The following XNDC1N variants were observed in gnomAD, a reference collection of about 807,000 sequenced individuals.
XNDC1N encodes protein XNDC1N.
At chr11:71,878,834 A>G in the XNDC1N span, among the ~76,000 whole-genome samples, 2 of 151,930 alleles carry the variant, frequency 1.3e-5, no homozygotes, top group Non-Finnish European at 2.9e-5. Flanking sequence ...CTACAAAAAA[A>G]AAAAAAATAC....
At chr11:71,918,370 C>T in the XNDC1N span, among the ~76,000 whole-genome samples, 4 of 152,128 alleles carry the variant, frequency 2.6e-5, no homozygotes, top group African/African-American at 2.4e-5. Flanking sequence ...CAGCCTTGAC[C>T]TCCTGGGCTC....
chr11:71,889,398 G>A, the XNDC1N span, among the ~76,000 whole-genome samples: 1 of 152,246 alleles, frequency 6.6e-6, no homozygotes, highest in Non-Finnish European at 1.5e-5. Context: ...GGCTCGAAAA[G>A]CAGCATCTTC....
chr11:71,909,247 G>C, the XNDC1N span, among the ~76,000 whole-genome samples: 4 of 151,794 alleles, frequency 2.6e-5, no homozygotes, highest in South Asian at 2.1e-4. Flanking sequence ...GCAGTAAGCC[G>C]TAAGGAAAAC....
the XNDC1N span, among the ~76,000 whole-genome samples, chr11:71,886,016 G>T: frequency 6.6e-6 from 1 of 151,996 alleles, no homozygotes; most frequent in Admixed American, 6.6e-5. Flanking sequence ...ATTGCGGTAA[G>T]TCGCATTGCG....
At chr11:71,921,403 CAA>C in the XNDC1N span, among the ~76,000 whole-genome samples, 4 of 152,214 alleles carry the variant, frequency 2.6e-5, no homozygotes, top group South Asian at 8.3e-4. Flanking sequence ...CTCAGCCTCC[CAA>C]AGTGTTGGGA....
chr11:71,903,119 T>G, the XNDC1N span: 1 of 631,676 alleles, frequency 1.6e-6, no homozygotes, highest in East Asian at 3.0e-5. Context: ...GACACAATGC[T>G]GGGTATTGGT....
the XNDC1N span, chr11:71,915,990 T>A: frequency 1.5e-6 from 1 of 659,780 alleles, no homozygotes; most frequent in Non-Finnish European, 2.8e-6. Flanking sequence ...TGTGTGTCTA[T>A]GTCTCAAACA....
the XNDC1N span, among the ~76,000 whole-genome samples, chr11:71,885,886 T>G: frequency 6.6e-6 from 1 of 151,630 alleles, no homozygotes; most frequent in Non-Finnish European, 1.5e-5. Context: ...AATCATGTAT[T>G]GTTACCATTA....
At chr11:71,925,724 C>CA in the XNDC1N span, among the ~76,000 whole-genome samples, 727 of 149,064 alleles carry the variant, frequency 4.9e-3, 10 homozygotes, top group African/African-American at 0.017. Context: ...GTCAGGAGTA[C>CA]AAAAAATTAG....
the XNDC1N span, among the ~76,000 whole-genome samples, chr11:71,892,566 C>T: frequency 6.6e-6 from 1 of 152,116 alleles, no homozygotes; most frequent in South Asian, 2.1e-4. Flanking sequence ...GCAGTATCTC[C>T]CTAGGATATC....
the XNDC1N span, among the ~76,000 whole-genome samples, chr11:71,870,657 A>G: frequency 2.0e-5 from 3 of 152,346 alleles, no homozygotes; most frequent in African/African-American, 7.2e-5. Flanking sequence ...AATAGACAAA[A>G]TTTATAAGGA....
the XNDC1N span, among the ~76,000 whole-genome samples, chr11:71,906,818 T>C: frequency 5.3e-5 from 8 of 152,108 alleles, no homozygotes; most frequent in African/African-American, 1.9e-4. Flanking sequence ...GTGTGCAACA[T>C]CTGTGGCATT....
chr11:71,915,171 G>A, the XNDC1N span, among the ~76,000 whole-genome samples: 10 of 152,042 alleles, frequency 6.6e-5, no homozygotes, highest in African/African-American at 1.4e-4. Flanking sequence ...CTCGCTGGCC[G>A]GGCACGGTGG....
chr11:71,896,255 G>A, the XNDC1N span, among the ~76,000 whole-genome samples: 1 of 152,044 alleles, frequency 6.6e-6, no homozygotes, highest in South Asian at 2.1e-4. Context: ...CACCAACCTG[G>A]GCAACAGAAA....
the XNDC1N span, among the ~76,000 whole-genome samples, chr11:71,868,180 G>A: frequency 3.9e-4 from 60 of 152,236 alleles, 1 homozygote; most frequent in African/African-American, 1.3e-3. Flanking sequence ...TGAGTGATGG[G>A]CTTACATGCA....
the XNDC1N span, among the ~76,000 whole-genome samples, chr11:71,885,006 G>T: frequency 1.3e-5 from 2 of 152,024 alleles, no homozygotes; most frequent in Non-Finnish European, 2.9e-5. Context: ...TGGTTTTTAG[G>T]ATCCGCGGTG....
the XNDC1N span, chr11:71,923,240 C>A: frequency 1.4e-6 from 1 of 700,458 alleles, no homozygotes; most frequent in Non-Finnish European, 2.6e-6. Context: ...GAAAGTGGAG[C>A]CAAGACTCCT....
the XNDC1N span, among the ~76,000 whole-genome samples, chr11:71,883,388 T>C: frequency 6.6e-6 from 1 of 152,144 alleles, no homozygotes. Context: ...GGGATAAAGA[T>C]AGACATATAG....
At chr11:71,916,525 C>CAGT in the XNDC1N span, 1 of 361,410 alleles carries the variant, frequency 2.8e-6, no homozygotes, top group South Asian at 4.9e-5. Flanking sequence ...TTCTATACCT[C>CAGT]TCCAGGGACC....
Sources: gnomAD v4.1 joint callset for allele counts (sites outside exome capture counted in the v4.1 genomes callset) on GRCh38, gnomAD v4.1.1 for gene constraint, MANE v1.5 for transcripts, NCBI Gene and HGNC (gene_info 2026-07-23, HGNC 2026-07-21) for gene names.